SLC23A2: variants seen among roughly 807,000 people sequenced by gnomAD.
The protein encoded by SLC23A2 is Na(+)/L-ascorbic acid transporter 2.
SLC23A2 carries 36 observed loss-of-function variants against 73.3 expected under a neutral mutation model. The observed-to-expected ratio is 0.49, with a 90% CI of 0.38 to 0.65. The LOEUF (loss-of-function observed/expected upper bound fraction) is 0.65. Ranked by LOEUF, SLC23A2 falls within the 30% of genes least tolerant of loss-of-function variation. SLC23A2 has a pLI of 0.00. For missense variants in SLC23A2, 507 were observed against 841.6 expected, an observed-to-expected ratio of 0.60 and a Z score of 4.92; for synonymous variants, 343 against 327.3, an observed-to-expected ratio of 1.05 and a Z score of -0.52.
intron 2 of SLC23A2, among the ~76,000 whole-genome samples, chr20:4,966,511 AG>A (rs1294264055): frequency 2.6e-5 from 4 of 152,148 alleles, no homozygotes; most frequent in African/African-American, 9.7e-5. Context: ...TAGACTTCAA[AG>A]GGTTGCTATG....
At chr20:4,890,885 C>T (rs905739950) in intron 6 of SLC23A2, among the ~76,000 whole-genome samples, 12 of 152,114 alleles carry the variant, frequency 7.9e-5, no homozygotes, top group Admixed American at 2.6e-4. Context: ...TATTGCCCCT[C>T]GACAGAGCTG....
chr20:4,941,149 C>T (rs1412198882), intron 2 of SLC23A2, among the ~76,000 whole-genome samples: 1 of 150,338 alleles, frequency 6.7e-6, no homozygotes, highest in Non-Finnish European at 1.5e-5. Flanking sequence ...GAGCAAGACT[C>T]TGTCTCAAAA....
intron 1 of SLC23A2, among the ~76,000 whole-genome samples, chr20:4,982,843 C>T (rs1477405530): frequency 1.1e-4 from 17 of 152,124 alleles, no homozygotes. Flanking sequence ...CGGTGGCTCA[C>T]ACCTGTAATC....
At chr20:4,932,308 C>G in intron 3 of SLC23A2, 147 bp downstream of exon 3, 1 of 634,748 alleles carries the variant, frequency 1.6e-6, no homozygotes. Flanking sequence ...AAGAGTTAGC[C>G]CAAAGACTAT....
intron 2 of SLC23A2, among the ~76,000 whole-genome samples, chr20:4,959,004 A>G (rs1301363118): frequency 6.6e-6 from 1 of 151,784 alleles, no homozygotes; most frequent in African/African-American, 2.4e-5. Context: ...TGAGGTCAGG[A>G]GTTCAAGATC....
intron 5 of SLC23A2, among the ~76,000 whole-genome samples, chr20:4,900,020 AC>A (rs1931687565): frequency 6.6e-6 from 1 of 152,078 alleles, no homozygotes; most frequent in Admixed American, 6.6e-5. Context: ...ACAGGGGCGC[AC>A]CACCACGCCC....
intron 3 of SLC23A2, among the ~76,000 whole-genome samples, chr20:4,925,617 C>T (rs913565933): frequency 1.3e-5 from 2 of 152,040 alleles, no homozygotes; most frequent in African/African-American, 2.4e-5. Flanking sequence ...TATCTCCAGA[C>T]CCTTCCTGCC....
intron 2 of SLC23A2, among the ~76,000 whole-genome samples, chr20:4,962,368 C>T (rs1290026903): frequency 6.6e-6 from 1 of 151,972 alleles, no homozygotes; most frequent in African/African-American, 2.4e-5. Flanking sequence ...TTTCCTGTGG[C>T]GTCCATAGCA....
At chr20:4,874,963 G>A (rs987380329) in intron 9 of SLC23A2, among the ~76,000 whole-genome samples, 6 of 152,208 alleles carry the variant, frequency 3.9e-5, no homozygotes, top group Non-Finnish European at 7.3e-5. Context: ...CCTTAGGACA[G>A]CTTTTCCTAA....
intron 9 of SLC23A2, among the ~76,000 whole-genome samples, chr20:4,876,442 C>G (rs1012832053): frequency 4.6e-5 from 7 of 152,178 alleles, no homozygotes; most frequent in Non-Finnish European, 1.0e-4. Context: ...TAAAACCTCT[C>G]TACTTCGAGT....
chr20:5,000,295 C>CAAAA (rs2088096900), intron 1 of SLC23A2, among the ~76,000 whole-genome samples: 1 of 152,130 alleles, frequency 6.6e-6, no homozygotes, highest in Non-Finnish European at 1.5e-5. Flanking sequence ...CAACAGCATT[C>CAAAA]AAATACAAAA....
At chr20:4,977,179 A>G (rs1458954336) in intron 1 of SLC23A2, among the ~76,000 whole-genome samples, 1 of 152,172 alleles carries the variant, frequency 6.6e-6, no homozygotes. Context: ...ACAGGGAAAT[A>G]GTTATGATCT....
chr20:4,861,208 G>A (rs190990210), intron 15 of SLC23A2, among the ~76,000 whole-genome samples: 1 of 152,204 alleles, frequency 6.6e-6, no homozygotes, highest in Non-Finnish European at 1.5e-5. Flanking sequence ...GGCTGCCAGC[G>A]GGTGGGAGCA....
rs948491168 is a variant in SLC23A2, at chr20:4,998,740, C to T, written c.-282+2666G>A. Among the ~76,000 whole-genome samples, 3 of 151,006 alleles carry T rather than the reference C, an allele frequency of 2.0e-5. No homozygotes were observed. The highest frequency in any genetic ancestry group is 2.1e-4 in the South Asian group (1 of 4,790). ...AGCCTAAGAGGATTAAATATAAATA[C>T]GTTTTTAAAAAGCTTCAATTTACAT... On this transcript the variant is annotated intron_variant, in intron 1 of 16. Coordinates refer to ENST00000338244, the MANE Select transcript of SLC23A2 (RefSeq NM_005116.6). This position sits in a 1 kb window ranked among gnomAD's most constrained non-coding sequence, Gnocchi z 4.1.
intron 1 of SLC23A2, among the ~76,000 whole-genome samples, chr20:4,989,191 ATCGCTGCTG>A (rs1266967987): frequency 1.3e-5 from 2 of 150,468 alleles, no homozygotes; most frequent in Non-Finnish European, 3.0e-5. Flanking sequence ...ATGAGCCGAG[ATCGCTGCTG>A]CACTCCAGCC....
chr20:4,856,513 A>G lies in SLC23A2; in HGVS notation c.*459T>C, dbSNP rs16990314. On this transcript the variant is annotated 3_prime_UTR_variant, in exon 17 of 17. Coordinates refer to ENST00000338244, the MANE Select transcript of SLC23A2 (RefSeq NM_005116.6). This position sits in a 1 kb window ranked among gnomAD's most constrained non-coding sequence, Gnocchi z 4.6. ...CAGTCATGATAGCGCAAGGCATACT[A>G]GTGCCCCTTGGTCAGAGGAGGTCTC... is the stretch of plus-strand genomic sequence containing the variant. 16,997 of 158,980 alleles carry G rather than the reference A, an allele frequency of 0.11. 1,131 individuals are homozygous for G. Among genetic ancestry groups the G allele is most frequent in the African/African-American group, 0.18 (7,303 of 41,558 alleles). 9.8% of individuals were successfully genotyped at this position (158,980 alleles called of 1,614,324 possible). A position where few individuals can be genotyped will look rare whatever the true frequency, so the allele number is the denominator to read the frequency against.
In SLC23A2 at chr20:4,870,068, C is replaced by T. The variant is rs34989880; in HGVS notation, c.1103-15G>A. 4.3e-4 allele frequency: 679 copies of T among 1,583,260 alleles called. 4 individuals carry two copies. In the African/African-American group the frequency reaches 8.2e-3, roughly 19 times the overall value. ...TCCCCACTGAACTGTGGGAGGAAAA[C>T]AACCATGAATGCTCCTAGAGAGGCA... On this transcript the variant is annotated splice_polypyrimidine_tract_variant and intron_variant, in intron 11 of 16. Transcript: ENST00000338244.
In SLC23A2 at chr20:4,873,860, CTG is replaced by C; in HGVS notation, c.1102+74_1102+75del. On this transcript the variant is annotated intron_variant, in intron 11 of 16. Coordinates refer to ENST00000338244, the MANE Select transcript of SLC23A2 (RefSeq NM_005116.6). Reference sequence around the variant, plus strand: ...AGGAGACAGTCTGGGACAAAGACGGCTGTTCTGCCAAATTCCCACCCCTCTCA... The same window carrying C: ...AGGAGACAGTCTGGGACAAAGACGGCTTCTGCCAAATTCCCACCCCTCTCA... 4 of 1,421,066 alleles carry C rather than the reference CTG, an allele frequency of 2.8e-6. No individual in the cohort carries two copies. The South Asian group carries it at 5.2e-5, about 19-fold the overall frequency. The allele number at this position is 1,421,066 out of a possible 1,614,324, so 88.0% of individuals were successfully genotyped here.
At position 4,899,362 on chromosome 20, in the gene SLC23A2, C is replaced by T. The variant is rs982137299; in HGVS notation, c.482+193G>A. Among the ~76,000 whole-genome samples the T allele has an allele frequency of 3.9e-5, 6 of 151,912 alleles. No homozygotes were observed. Among genetic ancestry groups the T allele is most frequent in the Non-Finnish European group, 7.4e-5 (5 of 67,964 alleles). ...TGGACAACTGGGTAGGGGAAGGTGG[C>T]GGTGGTGCCATTCACCAAGAGAGGA... On this transcript the variant is annotated intron_variant, in intron 6 of 16. Coordinates refer to ENST00000338244, the MANE Select transcript of SLC23A2 (RefSeq NM_005116.6). The surrounding 1 kb of genome is among the most constrained non-coding windows in gnomAD (Gnocchi z 4.9).
Sources: gnomAD v4.1 joint callset for allele counts (sites outside exome capture counted in the v4.1 genomes callset) on GRCh38, gnomAD v4.1.1 for gene constraint, Gnocchi (gnomAD v3.1) non-coding constraint, MANE v1.5 for transcripts, NCBI Gene and HGNC (gene_info 2026-07-23, HGNC 2026-07-21) for gene names.